Variants in SDK1 observed in about 807,000 individuals in gnomAD.
The protein encoded by SDK1 is protein sidekick-1.
In SDK1, 157 loss-of-function variants were observed where a neutral mutation model predicts 245.5. The ratio of observed to expected loss-of-function variants is 0.64; its 90% confidence interval spans 0.56 to 0.73. The LOEUF is 0.73. Among genes scored for constraint, SDK1 ranks in the 30% least tolerant of loss-of-function variants. The pLI, the probability that SDK1 is intolerant of heterozygous loss-of-function variation, is 0.00. For synonymous variants in SDK1, 1,647 were observed against 1,278.5 expected, an observed-to-expected ratio of 1.29 and a Z score of -6.15; for missense variants, 3,583 against 3,002.3, an observed-to-expected ratio of 1.19 and a Z score of -4.52.
chr7:4,029,701 C>G (rs1787644839), intron 17 of SDK1, among the ~76,000 whole-genome samples: 2 of 152,090 alleles, frequency 1.3e-5, no homozygotes, highest in African/African-American at 4.8e-5. Context: ...GGAGGGTGAC[C>G]TCAACAAACT....
chr7:4,139,505 ATATGTATATATGTGTGTGTATGTGTGTG>A (rs1562871550), intron 28 of SDK1, among the ~76,000 whole-genome samples: 20 of 36,456 alleles, frequency 5.5e-4, no homozygotes, highest in African/African-American at 1.3e-3. Context: ...GTGTGTGTGT[ATATGTATATATGTGTGTGTATGTGTGTG>A]TGTATATATG....
intron 5 of SDK1, among the ~76,000 whole-genome samples, chr7:3,859,306 G>A (rs181484704): frequency 6.6e-6 from 1 of 152,166 alleles, no homozygotes; most frequent in Non-Finnish European, 1.5e-5. Context: ...CTCCTGGGGG[G>A]CCTTTGCTCA....
At chr7:3,477,714 A>G (rs1249517422) in intron 1 of SDK1, among the ~76,000 whole-genome samples, 2 of 151,822 alleles carry the variant, frequency 1.3e-5, no homozygotes, top group South Asian at 2.1e-4. Flanking sequence ...GAGTCCCACT[A>G]TGTTGTTCAG....
intron 35 of SDK1, among the ~76,000 whole-genome samples, chr7:4,182,714 C>T (rs1179164031): frequency 6.6e-6 from 1 of 152,218 alleles, no homozygotes; most frequent in Non-Finnish European, 1.5e-5. Flanking sequence ...CTAAGCTGGT[C>T]TTTCCATGGG....
chr7:3,901,685 C>T (rs145069645), intron 5 of SDK1, among the ~76,000 whole-genome samples: 3 of 152,276 alleles, frequency 2.0e-5, no homozygotes, highest in African/African-American at 7.2e-5. Flanking sequence ...TATTCTGTTT[C>T]TTAACACTCT....
intron 22 of SDK1, among the ~76,000 whole-genome samples, chr7:4,089,302 C>T (rs548055400): frequency 2.0e-5 from 3 of 152,332 alleles, no homozygotes; most frequent in Non-Finnish European, 4.4e-5. Flanking sequence ...GGTGTGGAGG[C>T]GCCCAGACCC....
At position 3,400,429 on chromosome 7, in the gene SDK1, A is replaced by T. The variant is rs564971156; in HGVS notation, c.298+98545A>T. Among the ~76,000 whole-genome samples, 3 of 152,244 alleles carry T rather than the reference A, an allele frequency of 2.0e-5. No individual in the cohort carries two copies. The East Asian group carries it at 5.8e-4, about 29-fold the overall frequency. On this transcript the variant is annotated intron_variant, in intron 1 of 44. Coordinates refer to ENST00000404826, the MANE Select transcript of SDK1 (RefSeq NM_152744.4). ...ATTCTGAGAGTGCCCCCAACTTCGA[A>T]TGGATGAATTTTTATAACAAGTGAA...
At chr7:3,800,662 G>C (rs895301983) in intron 4 of SDK1, among the ~76,000 whole-genome samples, 2 of 152,046 alleles carry the variant, frequency 1.3e-5, no homozygotes, top group Non-Finnish European at 2.9e-5. Flanking sequence ...GAGCTGCCTC[G>C]CTCGGCTGCC....
At chr7:3,894,193 A>T (rs938610147) in intron 5 of SDK1, among the ~76,000 whole-genome samples, 1 of 152,246 alleles carries the variant, frequency 6.6e-6, no homozygotes, top group Non-Finnish European at 1.5e-5. Context: ...ATTTTAATGT[A>T]CTACCGATGG....
chr7:3,840,606 A>T (rs570177888), intron 5 of SDK1, among the ~76,000 whole-genome samples: 2 of 152,166 alleles, frequency 1.3e-5, no homozygotes, highest in African/African-American at 2.4e-5. Context: ...GGTGATTCAT[A>T]TGCACGTTAA....
At chr7:4,233,653 G>C (rs1235837639) in intron 41 of SDK1, among the ~76,000 whole-genome samples, 1 of 152,170 alleles carries the variant, frequency 6.6e-6, no homozygotes, top group East Asian at 1.9e-4. Flanking sequence ...GAAGTCAAGC[G>C]GGACGAAAGG....
intron 1 of SDK1, among the ~76,000 whole-genome samples, chr7:3,387,961 A>G (rs939850993): frequency 1.3e-5 from 2 of 152,210 alleles, no homozygotes; most frequent in African/African-American, 4.8e-5. Flanking sequence ...AAGTGAGAGA[A>G]CGAGATTCAA....
chr7:3,896,956 A>G (rs1259827000), intron 5 of SDK1, among the ~76,000 whole-genome samples: 1 of 152,200 alleles, frequency 6.6e-6, no homozygotes, highest in Non-Finnish European at 1.5e-5. Flanking sequence ...GGAAAGTTAC[A>G]ATCATGGCAG....
intron 1 of SDK1, among the ~76,000 whole-genome samples, chr7:3,342,529 G>A (rs1174261048): frequency 2.0e-5 from 3 of 151,954 alleles, no homozygotes; most frequent in South Asian, 2.1e-4. Flanking sequence ...TGGAGGTTGC[G>A]GTGAGCCGAG....
intron 4 of SDK1, among the ~76,000 whole-genome samples, chr7:3,729,750 G>A (rs1446934620): frequency 2.0e-5 from 3 of 152,120 alleles, no homozygotes; most frequent in South Asian, 4.1e-4. Context: ...CATTGAGCCT[G>A]TGTGAACACG....
intron 1 of SDK1, among the ~76,000 whole-genome samples, chr7:3,435,158 CTCTG>C (rs1779980452): frequency 1.5e-5 from 2 of 132,534 alleles, no homozygotes; most frequent in South Asian, 4.6e-4. Context: ...TTGCAAAAGT[CTCTG>C]TATTTTTTTT....
intron 1 of SDK1, among the ~76,000 whole-genome samples, chr7:3,392,127 T>C (rs1022021629): frequency 1.3e-5 from 2 of 152,034 alleles, no homozygotes; most frequent in African/African-American, 4.8e-5. Context: ...AATCCATAAA[T>C]TCAGTTCTAA....
intron 22 of SDK1, among the ~76,000 whole-genome samples, chr7:4,099,009 G>A (rs1030459634): frequency 4.0e-5 from 6 of 151,734 alleles, no homozygotes; most frequent in African/African-American, 9.7e-5. Flanking sequence ...CATGAGAGTC[G>A]TGAGAATTGT....
At chr7:3,614,786 G>A (rs143633078) in intron 1 of SDK1, among the ~76,000 whole-genome samples, 1 of 152,136 alleles carries the variant, frequency 6.6e-6, no homozygotes, top group African/African-American at 2.4e-5. Context: ...AAAATTCCAG[G>A]GTGTTGACAT....
Sources: allele counts gnomAD v4.1 joint callset (sites outside exome capture counted in the v4.1 genomes callset), GRCh38; gene constraint gnomAD v4.1.1; transcripts MANE v1.5; gene names NCBI Gene and HGNC (gene_info 2026-07-23, HGNC 2026-07-21).